Variants in RAPGEF5 observed in about 807,000 individuals in gnomAD.
RAPGEF5 encodes the protein Rap guanine nucleotide exchange factor 5.
RAPGEF5 carries 65 observed loss-of-function variants against 125.2 expected under a neutral mutation model. The observed-to-expected ratio is 0.52, with a 90% confidence interval of 0.43 to 0.64. RAPGEF5 has a LOEUF of 0.64. Ranked by LOEUF, RAPGEF5 falls within the 30% of genes least tolerant of loss-of-function variation. The probability of loss-of-function intolerance (pLI) is 0.00; values close to 1 mark genes in which losing one functional copy is unlikely to be tolerated. For missense variants in RAPGEF5, 958 were observed against 1,048.1 expected (o/e 0.91, Z 1.19); for synonymous variants, 391 against 385.9 (o/e 1.01, Z -0.16).
chr7:22,240,432 C>T lies in RAPGEF5; in HGVS notation c.797-9513G>A, dbSNP rs190960497. Among the ~76,000 whole-genome samples the T allele has an allele frequency of 7.9e-5, 12 of 151,800 alleles. No homozygotes were observed. The South Asian group carries it at 8.3e-4, about 11-fold the overall frequency. ...TATCACGCAGGCTGGCATGCAGTGG[C>T]GCCATCTCGGCTCACTGTAACCTCC... On this transcript the variant is annotated intron_variant, in intron 7 of 25. Coordinates refer to ENST00000665637, the MANE Select transcript of RAPGEF5 (RefSeq NM_012294.5).
At chr7:22,234,697 A>C (rs1326056005) in intron 7 of RAPGEF5, among the ~76,000 whole-genome samples, 1 of 152,170 alleles carries the variant, frequency 6.6e-6, no homozygotes, top group Non-Finnish European at 1.5e-5. Flanking sequence ...AGAGGGATTC[A>C]AGGTGAATGA....
At chr7:22,250,821 G>A (rs1786599855) in intron 7 of RAPGEF5, among the ~76,000 whole-genome samples, 1 of 152,136 alleles carries the variant, frequency 6.6e-6, no homozygotes, top group Non-Finnish European at 1.5e-5. Context: ...CTAGTACTTG[G>A]TACTTAGGAC....
intron 7 of RAPGEF5, among the ~76,000 whole-genome samples, chr7:22,239,408 C>T (rs1302222372): frequency 6.6e-6 from 1 of 152,152 alleles, no homozygotes; most frequent in African/African-American, 2.4e-5. Flanking sequence ...CCATAGCACT[C>T]AGACAGCCCA....
chr7:22,193,622 C>G lies in RAPGEF5; in HGVS notation c.1116-167G>C, dbSNP rs749703209. ...AGCGCCGCGGCGGAATCTTTCCTCT[C>G]CAAATGAGGGTCAAAGACCCTCAGC... On this transcript the variant is annotated intron_variant, in intron 10 of 25. Transcript: ENST00000665637. The G allele has an allele frequency of 1.2e-5, 19 of 1,550,710 alleles. No individual in the cohort carries two copies. The African/African-American group carries it at 2.5e-4, about 20-fold the overall frequency.
At chr7:22,202,145 C>T (rs1265416805) in intron 9 of RAPGEF5, among the ~76,000 whole-genome samples, 3 of 152,158 alleles carry the variant, frequency 2.0e-5, no homozygotes, top group South Asian at 4.1e-4. Context: ...AACAAAAGGA[C>T]AAAATCTAGT....
chr7:22,335,558 G>C (rs929519742), intron 1 of RAPGEF5, among the ~76,000 whole-genome samples: 1 of 152,048 alleles, frequency 6.6e-6, no homozygotes, highest in East Asian at 1.9e-4. Flanking sequence ...CTGGGGACAA[G>C]GTGGGGTGGG....
At chr7:22,191,349 T>C in intron 11 of RAPGEF5, 1 of 334,962 alleles carries the variant, frequency 3.0e-6, no homozygotes, top group South Asian at 2.4e-5. Context: ...ATCTCTTTTA[T>C]ATACACATTA....
chr7:22,152,257 T>TCGC (rs1783653515), intron 17 of RAPGEF5, among the ~76,000 whole-genome samples: 1 of 152,228 alleles, frequency 6.6e-6, no homozygotes, highest in African/African-American at 2.4e-5. Context: ...GTGACATGTA[T>TCGC]AGCGGATGGT....
chr7:22,246,475 G>A (rs765633559), intron 7 of RAPGEF5, among the ~76,000 whole-genome samples: 1 of 151,974 alleles, frequency 6.6e-6, no homozygotes, highest in Non-Finnish European at 1.5e-5. Flanking sequence ...TAAGCAATGG[G>A]GAAAGGACTC....
chr7:22,249,467 G>A (rs1273285499), intron 7 of RAPGEF5, among the ~76,000 whole-genome samples: 2 of 152,046 alleles, frequency 1.3e-5, no homozygotes, highest in Non-Finnish European at 2.9e-5. Flanking sequence ...TGGGATTATA[G>A]GCATGAGCCA....
chr7:22,281,680 C>A (rs1345660932), intron 6 of RAPGEF5, among the ~76,000 whole-genome samples: 1 of 152,218 alleles, frequency 6.6e-6, no homozygotes, highest in Non-Finnish European at 1.5e-5. Context: ...GCTATCTGTT[C>A]AGCTGAATTG....
intron 4 of RAPGEF5, among the ~76,000 whole-genome samples, chr7:22,308,737 T>C (rs1414513146): frequency 6.6e-6 from 1 of 152,208 alleles, no homozygotes; most frequent in Non-Finnish European, 1.5e-5. Flanking sequence ...CATGTATTCA[T>C]ATTTTTTCTG....
chr7:22,296,906 G>A (rs542616058), intron 5 of RAPGEF5, among the ~76,000 whole-genome samples: 3 of 152,332 alleles, frequency 2.0e-5, no homozygotes, highest in Non-Finnish European at 2.9e-5. Context: ...AAATGCTGCT[G>A]TCATGTCAAG....
chr7:22,332,456 G>T (rs558982777), intron 1 of RAPGEF5, among the ~76,000 whole-genome samples: 1 of 152,268 alleles, frequency 6.6e-6, no homozygotes, highest in African/African-American at 2.4e-5. Flanking sequence ...TATAAATAAA[G>T]CCCTAAATAC....
chr7:22,224,460 T>C (rs1428396941), intron 8 of RAPGEF5, among the ~76,000 whole-genome samples: 1 of 152,222 alleles, frequency 6.6e-6, no homozygotes, highest in African/African-American at 2.4e-5. Flanking sequence ...CTTCTCTCTC[T>C]TTCCATGTCA....
intron 1 of RAPGEF5, among the ~76,000 whole-genome samples, chr7:22,351,839 G>T (rs529831764): frequency 7.9e-5 from 12 of 152,308 alleles, no homozygotes; most frequent in Non-Finnish European, 1.2e-4. Flanking sequence ...GGAGGGTATT[G>T]AGTCAGAGCT....
chr7:22,168,504 T>C (rs1281186331), intron 11 of RAPGEF5, among the ~76,000 whole-genome samples: 9 of 152,078 alleles, frequency 5.9e-5, no homozygotes, highest in Non-Finnish European at 1.3e-4. Context: ...ATAGTGCTTA[T>C]GGTCTCCAAG....
intron 5 of RAPGEF5, among the ~76,000 whole-genome samples, chr7:22,293,763 G>A (rs1459658173): frequency 2.0e-5 from 3 of 152,120 alleles, no homozygotes; most frequent in Non-Finnish European, 2.9e-5. Context: ...AGGACTGGTA[G>A]CAACAGGCAA....
chr7:22,167,012 C>A, intron 12 of RAPGEF5, 58 bp downstream of exon 12: 6 of 1,400,240 alleles, frequency 4.3e-6, no homozygotes, highest in Non-Finnish European at 6.0e-6. Context: ...TAATTCCTAA[C>A]GTGGGACATC....
Sources: allele counts gnomAD v4.1 joint callset (sites outside exome capture counted in the v4.1 genomes callset), GRCh38; gene constraint gnomAD v4.1.1; transcripts MANE v1.5; gene names NCBI Gene and HGNC (gene_info 2026-07-23, HGNC 2026-07-21).